The following BBX variants were observed in gnomAD, a reference collection of about 807,000 sequenced individuals.
BBX encodes the protein BBX high mobility group box domain containing.
BBX carries 30 observed loss-of-function variants against 100.2 expected under a neutral mutation model. The observed-to-expected ratio is 0.30, with a 90% CI of 0.22 to 0.41. BBX has a LOEUF of 0.41. Ranked by LOEUF, BBX falls within the 10% of genes least tolerant of loss-of-function variation. The pLI is 1.00. For missense variants in BBX, 1,023 were observed against 1,129.8 expected, an observed-to-expected ratio of 0.91 and a Z score of 1.35; for synonymous variants, 376 against 388.1, an observed-to-expected ratio of 0.97 and a Z score of 0.37.
chr3:107,696,138 G>C (rs1045380826), intron 3 of BBX, among the ~76,000 whole-genome samples: 1 of 151,686 alleles, frequency 6.6e-6, no homozygotes, highest in Non-Finnish European at 1.5e-5. Context: ...GATGGGTCTT[G>C]ACTCTTTATC....
intron 2 of BBX, among the ~76,000 whole-genome samples, chr3:107,642,372 A>G (rs941062694): frequency 3.3e-5 from 5 of 152,226 alleles, no homozygotes; most frequent in Non-Finnish European, 7.3e-5. Flanking sequence ...GTATCCATGT[A>G]AAGATGGAGA....
intron 10 of BBX, among the ~76,000 whole-genome samples, chr3:107,767,021 G>A (rs2066450804): frequency 6.6e-6 from 1 of 152,162 alleles, no homozygotes; most frequent in Non-Finnish European, 1.5e-5. Flanking sequence ...ATGGACACAG[G>A]GAGGGGAATA....
At chr3:107,756,861 C>G (rs1204424293) in intron 10 of BBX, among the ~76,000 whole-genome samples, 1 of 152,072 alleles carries the variant, frequency 6.6e-6, no homozygotes, top group East Asian at 1.9e-4. Flanking sequence ...GTGCAAAGTA[C>G]TACTCCAAAC....
intron 3 of BBX, among the ~76,000 whole-genome samples, chr3:107,696,327 G>T (rs1234732189): frequency 6.6e-6 from 1 of 151,760 alleles, no homozygotes; most frequent in Non-Finnish European, 1.5e-5. Flanking sequence ...ATTTTGCAGT[G>T]GCTGGTACCG....
chr3:107,726,264 C>T (rs553090980), intron 5 of BBX, among the ~76,000 whole-genome samples: 3 of 151,992 alleles, frequency 2.0e-5, no homozygotes, highest in East Asian at 1.9e-4. Flanking sequence ...TGCCAACTTC[C>T]GAGAACAGAT....
chr3:107,697,350 T>A (rs1378157573), intron 3 of BBX, among the ~76,000 whole-genome samples: 1 of 151,870 alleles, frequency 6.6e-6, no homozygotes, highest in Non-Finnish European at 1.5e-5. Context: ...TGGTCTTTGA[T>A]GATGGTGATG....
At chr3:107,729,865 A>G (rs1576539130) in intron 6 of BBX, among the ~76,000 whole-genome samples, 1 of 152,136 alleles carries the variant, frequency 6.6e-6, no homozygotes, top group African/African-American at 2.4e-5. Context: ...AGACTTTATG[A>G]TTCAGTGTGT....
chr3:107,573,905 C>G lies in BBX; in HGVS notation c.-84+47507C>G, dbSNP rs550076415. Among the ~76,000 whole-genome samples the G allele has an allele frequency of 2.0e-5, 3 of 152,166 alleles. No individual in the cohort carries two copies. In the South Asian group the frequency reaches 6.2e-4, roughly 32 times the overall value. On this transcript the variant is annotated intron_variant, in intron 2 of 17. Coordinates refer to ENST00000325805, the MANE Select transcript of BBX (RefSeq NM_001142568.3). ...CCACACCTGGCTAATTTTGTATTAGCCGGGAGACCGGGTTTCTCCATGTTG... is the reference window on the plus strand; with the variant it reads ...CCACACCTGGCTAATTTTGTATTAGGCGGGAGACCGGGTTTCTCCATGTTG...
chr3:107,680,467 A>G (rs2059514231), intron 3 of BBX, among the ~76,000 whole-genome samples: 1 of 152,134 alleles, frequency 6.6e-6, no homozygotes, highest in African/African-American at 2.4e-5. Context: ...GAGGTTGTTG[A>G]TTGACTTGAA....
At chr3:107,769,571 G>A (rs545801211) in intron 10 of BBX, among the ~76,000 whole-genome samples, 1 of 152,220 alleles carries the variant, frequency 6.6e-6, no homozygotes, top group Non-Finnish European at 1.5e-5. Context: ...AAGTGTGGAA[G>A]CCTTTACATG....
chr3:107,535,098 G>A (rs1404096079), intron 2 of BBX, among the ~76,000 whole-genome samples: 1 of 152,228 alleles, frequency 6.6e-6, no homozygotes, highest in Non-Finnish European at 1.5e-5. Context: ...CGCACAGCTG[G>A]TAAGTGATCA....
intron 10 of BBX, among the ~76,000 whole-genome samples, chr3:107,764,571 A>G (rs929784579): frequency 2.6e-5 from 4 of 152,224 alleles, no homozygotes; most frequent in Non-Finnish European, 5.9e-5. Flanking sequence ...TTGATTTAAA[A>G]CATTAACATT....
chr3:107,635,389 G>A (rs2056789671), intron 2 of BBX, among the ~76,000 whole-genome samples: 1 of 152,152 alleles, frequency 6.6e-6, no homozygotes, highest in Admixed American at 6.5e-5. Flanking sequence ...GTGTGCCACT[G>A]TCCACTTAAG....
chr3:107,638,853 G>A (rs1288872262), intron 2 of BBX, among the ~76,000 whole-genome samples: 3 of 143,652 alleles, frequency 2.1e-5, no homozygotes, highest in Non-Finnish European at 4.6e-5. Flanking sequence ...GCCAGGTCTG[G>A]TGGCATGTGC....
intron 8 of BBX, among the ~76,000 whole-genome samples, chr3:107,746,021 A>G (rs1001883348): frequency 2.6e-5 from 4 of 152,076 alleles, no homozygotes; most frequent in African/African-American, 7.2e-5. Context: ...TATTAATTGA[A>G]ATCTTTATCT....
intron 8 of BBX, among the ~76,000 whole-genome samples, chr3:107,747,159 A>G (rs2064684300): frequency 6.6e-6 from 1 of 152,170 alleles, no homozygotes; most frequent in Non-Finnish European, 1.5e-5. Flanking sequence ...ACTGGAAACA[A>G]AAGGTCCCCT....
At chr3:107,642,109 T>TGGTA (rs1262284454) in intron 2 of BBX, among the ~76,000 whole-genome samples, 17 of 152,206 alleles carry the variant, frequency 1.1e-4, no homozygotes, top group African/African-American at 4.1e-4. Context: ...GCATAACAGT[T>TGGTA]GGTATAACAA....
chr3:107,547,536 T>C (rs1283261776), intron 2 of BBX, among the ~76,000 whole-genome samples: 1 of 152,174 alleles, frequency 6.6e-6, no homozygotes, highest in Non-Finnish European at 1.5e-5. Flanking sequence ...CCATGAAACC[T>C]ATCCCAGTTG....
At chr3:107,748,898 G>T (rs2064839547) in intron 9 of BBX, among the ~76,000 whole-genome samples, 1 of 151,674 alleles carries the variant, frequency 6.6e-6, no homozygotes, top group Non-Finnish European at 1.5e-5. Context: ...TTTGAATAAA[G>T]AATACTGCAT....
Sources: gnomAD v4.1 joint callset for allele counts (sites outside exome capture counted in the v4.1 genomes callset) on GRCh38, gnomAD v4.1.1 for gene constraint, MANE v1.5 for transcripts, NCBI Gene and HGNC (gene_info 2026-07-23, HGNC 2026-07-21) for gene names.